The following NIBAN3 variants were observed in gnomAD, a reference collection of about 807,000 sequenced individuals.
NIBAN3 encodes niban apoptosis regulator 3.
Under a neutral mutation model 76.4 loss-of-function variants are expected in NIBAN3, and 66 were observed. That is an observed-to-expected ratio of 0.86 (90% CI 0.71 to 1.06). The LOEUF (loss-of-function observed/expected upper bound fraction) is 1.06, where lower values mean the gene tolerates loss of function less well. Ranked by LOEUF, NIBAN3 falls within the 50% of genes least tolerant of loss-of-function variation. The pLI is 0.00. For missense variants in NIBAN3, 808 were observed against 810.7 expected (o/e 1.00, Z 0.04); for synonymous variants, 360 against 355.2 (o/e 1.01, Z -0.15).
At chr19:17,539,323 C>A in intron 6 of NIBAN3, 24 bp from the exon 7 acceptor site, 6 of 1,551,232 alleles carry the variant, frequency 3.9e-6, no homozygotes, top group Non-Finnish European at 5.2e-6. Context: ...CCGACCGCGG[C>A]GCCCATGGCC....
chr19:17,532,877 G>A (rs2075755493), intron 3 of NIBAN3, among the ~76,000 whole-genome samples: 1 of 151,994 alleles, frequency 6.6e-6, no homozygotes, highest in Non-Finnish European at 1.5e-5. Flanking sequence ...GGAGGGAAAG[G>A]GGAAAGGGAA....
chr19:17,538,744 A>G (rs11672317), intron 5 of NIBAN3, among the ~76,000 whole-genome samples: 46 of 25,250 alleles, frequency 1.8e-3, no homozygotes, highest in African/African-American at 4.9e-3. Flanking sequence ...GAAAGAAAGA[A>G]AGAGAAAGAA....
chr19:17,545,994 C>A, intron 12 of NIBAN3: 1 of 436,392 alleles, frequency 2.3e-6, no homozygotes, highest in Non-Finnish European at 4.6e-6. Context: ...CGCTAGACCA[C>A]GGTCTGCCTG....
At chr19:17,528,083 T>G (rs2075641373) in intron 1 of NIBAN3, among the ~76,000 whole-genome samples, 2 of 151,406 alleles carry the variant, frequency 1.3e-5, no homozygotes, top group Admixed American at 6.6e-5. Flanking sequence ...GTTTTTTTTT[T>G]GTTTGTTTTG....
chr19:17,535,401 A>C (rs1287554677), intron 4 of NIBAN3, among the ~76,000 whole-genome samples: 2 of 152,176 alleles, frequency 1.3e-5, no homozygotes, highest in Admixed American at 6.6e-5. Context: ...AACTATGATC[A>C]CACCATTGAA....
At chr19:17,527,931 C>T (rs1599703281) in intron 1 of NIBAN3, among the ~76,000 whole-genome samples, 1 of 151,986 alleles carries the variant, frequency 6.6e-6, no homozygotes, top group Non-Finnish European at 1.5e-5. Flanking sequence ...TGAGCTCAAG[C>T]GATCCTCCCA....
Position 17,553,142 on chromosome 19 carries a change from A to C in NIBAN3, c.*1244A>C. 1.1e-6 allele frequency: 1 copy of C among 935,362 alleles called. No homozygotes were observed. Among genetic ancestry groups the C allele is most frequent in the East Asian group, 2.8e-5 (1 of 36,186 alleles). 57.9% of individuals were successfully genotyped at this position (935,362 alleles called of 1,614,324 possible). On this transcript the variant is annotated 3_prime_UTR_variant, in exon 15 of 15. Transcript: ENST00000599164. ...TTGTAGTTTTTTTTTTTTTAATTTC[A>C]GTGAATTGCCTGTTCATAGCTTTTT...
chr19:17,555,028 C>T (rs1418632612), downstream of NIBAN3, among the ~76,000 whole-genome samples: 2 of 151,440 alleles, frequency 1.3e-5, no homozygotes, highest in African/African-American at 4.8e-5. Flanking sequence ...TCCATGAAAA[C>T]ATGGCCCTTG....
At chr19:17,534,011 T>C (rs1031861813) in intron 4 of NIBAN3, among the ~76,000 whole-genome samples, 1 of 152,166 alleles carries the variant, frequency 6.6e-6, no homozygotes, top group Non-Finnish European at 1.5e-5. Context: ...AGTTAGGTCA[T>C]GGGACCAGAA....
intron 1 of NIBAN3, among the ~76,000 whole-genome samples, chr19:17,529,704 T>C (rs899373995): frequency 1.3e-5 from 2 of 152,160 alleles, no homozygotes; most frequent in Non-Finnish European, 2.9e-5. Context: ...CTCATCTTGA[T>C]TGTGGTGAGG....
Position 17,551,721 on chromosome 19 carries a change from A to G in NIBAN3, c.1751-65A>G, listed in dbSNP as rs1342949155. 10 of 681,834 alleles carry G rather than the reference A, an allele frequency of 1.5e-5. 1 individual carries two copies. In the East Asian group the frequency reaches 2.6e-4, roughly 18 times the overall value. The allele number at this position is 681,834 out of a possible 1,614,324, so 42.2% of individuals were successfully genotyped here. On this transcript the variant is annotated intron_variant, in intron 14 of 14. Coordinates refer to ENST00000599164, the MANE Select transcript of NIBAN3 (RefSeq NM_001321827.2). Reference sequence around the variant, plus strand: ...CTCTATTAACTCTGATTTTTTAAGCACTTATTACATGCCAGGCATCTGACA... The same window carrying G: ...CTCTATTAACTCTGATTTTTTAAGCGCTTATTACATGCCAGGCATCTGACA...
At chr19:17,555,406 A>C (rs963562971), downstream of NIBAN3, among the ~76,000 whole-genome samples, 4 of 152,194 alleles carry the variant, frequency 2.6e-5, no homozygotes, top group African/African-American at 9.6e-5. Flanking sequence ...CGGAGGTCTC[A>C]GTGGTAGGAG....
At chr19:17,540,276 G>C in intron 8 of NIBAN3, 116 bp from the exon 9 acceptor site, 3 of 669,932 alleles carry the variant, frequency 4.5e-6, no homozygotes, top group Non-Finnish European at 4.5e-6. Context: ...CATTACAATG[G>C]GTAGAAGAGG....
At chr19:17,547,944 C>A (rs2076090320) in intron 13 of NIBAN3, among the ~76,000 whole-genome samples, 1 of 152,208 alleles carries the variant, frequency 6.6e-6, no homozygotes. Context: ...GGATTACCGG[C>A]GTGAGAGACA....
intron 11 of NIBAN3, 34 bp from the exon 12 acceptor site, chr19:17,543,485 CAGATG>C (rs1231114242): frequency 1.9e-6 from 3 of 1,611,574 alleles, no homozygotes; most frequent in African/African-American, 2.7e-5. Context: ...CCTGGGTGCT[CAGATG>C]GTTGCTGGAC....
upstream of NIBAN3, among the ~76,000 whole-genome samples, chr19:17,523,990 A>G (rs373171394): frequency 1.5e-4 from 22 of 151,294 alleles, no homozygotes; most frequent in African/African-American, 2.9e-4. Flanking sequence ...ACGGGTTCAC[A>G]CAATTCTCCT....
upstream of NIBAN3, chr19:17,523,529 C>G: frequency 2.9e-6 from 4 of 1,357,714 alleles, no homozygotes; most frequent in Non-Finnish European, 4.1e-6. Flanking sequence ...GAGGCCGTGG[C>G]CCCCAGAGCG....
Position 17,532,169 on chromosome 19 carries a change from GCGTCA to G in NIBAN3, c.187-92_187-88del, listed in dbSNP as rs1447605115. 11 of 1,449,006 alleles carry G rather than the reference GCGTCA, an allele frequency of 7.6e-6. No individual in the cohort carries two copies. In the East Asian group the frequency reaches 2.7e-4, roughly 35 times the overall value. The allele number at this position is 1,449,006 out of a possible 1,614,324, so 89.8% of individuals were successfully genotyped here. On this transcript the variant is annotated intron_variant, in intron 2 of 14. Transcript: ENST00000599164. ...CAGCCTGGGGCATCACGGGACCTTA[GCGTCA>G]CCCCAGGATACAGCGGGTGTCTGGG...
chr19:17,546,747 G>A lies in NIBAN3; in HGVS notation c.1616G>A (p.Gly539Asp), dbSNP rs904781187. 9 of 1,605,870 alleles carry A rather than the reference G, an allele frequency of 5.6e-6. No individual in the cohort carries two copies. The highest frequency in any genetic ancestry group is 4.0e-5 in the African/African-American group (3 of 74,820). ...AVGSQALTTE[G>D]IYEDVIRGCL... ...GGCAGCCAGGCTCTGACCACTGAGG[G>A]CATCTATGAGGACGTCATCCGGGGG... is the stretch of plus-strand genomic sequence containing the variant. The change falls in exon 13 of 15, where the codon GGC (glycine) becomes GAC (aspartate). Residue 539 changes from glycine (G) to aspartate (D), a missense_variant. Physicochemically the swap from Gly to Asp is moderately conservative, Grantham distance 94 (BLOSUM62 -1). Transcript: ENST00000599164.
Sources: gnomAD v4.1 joint callset for allele counts (sites outside exome capture counted in the v4.1 genomes callset) on GRCh38, gnomAD v4.1.1 for gene constraint, MANE v1.5 for transcripts, NCBI Gene and HGNC (gene_info 2026-07-23, HGNC 2026-07-21) for gene names.